Variants in FILIP1L observed in about 807,000 individuals in gnomAD.
The protein encoded by FILIP1L is filamin A interacting protein 1 like, also known as filamin A-interacting protein 1-like.
In FILIP1L, 55 loss-of-function variants were observed where a neutral mutation model predicts 96.6. The ratio of observed to expected loss-of-function variants is 0.57; its 90% CI spans 0.46 to 0.71. FILIP1L has a LOEUF of 0.71. Ranked by LOEUF, FILIP1L falls within the 30% of genes least tolerant of loss-of-function variation. The pLI, the probability that FILIP1L is intolerant of heterozygous loss-of-function variation, is 0.00. For synonymous variants in FILIP1L, 467 were observed against 473.9 expected (o/e 0.99, Z 0.19); for missense variants, 1,304 against 1,321.2 (o/e 0.99, Z 0.20).
rs1200758144 is a variant in FILIP1L, at chr3:100,018,125, G to A, written c.-10-87095C>T. Among the ~76,000 whole-genome samples, 5 of 152,080 alleles carry A rather than the reference G, an allele frequency of 3.3e-5. No homozygotes were observed. The South Asian group carries it at 8.3e-4, about 25-fold the overall frequency. ...GGGCAGATCACCAGGTCAAGAGATCGAGACCATCTGGCCAACATGGTGAAA... is the reference window on the plus strand; with the variant it reads ...GGGCAGATCACCAGGTCAAGAGATCAAGACCATCTGGCCAACATGGTGAAA... On this transcript the variant is annotated intron_variant, in intron 1 of 5. Coordinates refer to ENST00000477258, the MANE Select transcript of FILIP1L (RefSeq NM_001387850.1).
chr3:100,003,230 C>G (rs182018561), intron 1 of FILIP1L, among the ~76,000 whole-genome samples: 1 of 152,108 alleles, frequency 6.6e-6, no homozygotes, highest in African/African-American at 2.4e-5. Flanking sequence ...TACCAATGAC[C>G]ATGTGGAGAA....
chr3:100,022,722 T>G (rs934656589), intron 1 of FILIP1L, among the ~76,000 whole-genome samples: 1 of 152,174 alleles, frequency 6.6e-6, no homozygotes, highest in Non-Finnish European at 1.5e-5. Flanking sequence ...TCTTCAGCAG[T>G]CATCATATGT....
chr3:99,945,739 G>A (rs1336170326), intron 1 of FILIP1L, among the ~76,000 whole-genome samples: 1 of 152,218 alleles, frequency 6.6e-6, no homozygotes, highest in Non-Finnish European at 1.5e-5. Context: ...TTTGCTAGGG[G>A]TTGGGGGCTG....
intron 1 of FILIP1L, among the ~76,000 whole-genome samples, chr3:99,955,038 A>C (rs1327759120): frequency 6.6e-6 from 1 of 152,212 alleles, no homozygotes; most frequent in African/African-American, 2.4e-5. Context: ...GGTAAATGAA[A>C]GGGTATCTTC....
At chr3:99,864,364 A>G (rs910474693) in intron 4 of FILIP1L, among the ~76,000 whole-genome samples, 9 of 152,152 alleles carry the variant, frequency 5.9e-5, no homozygotes, top group Admixed American at 5.9e-4. Context: ...GTGCCACTAG[A>G]TCTCACTTAA....
rs912558106 is a variant in FILIP1L at position 100,071,244 on chromosome 3, C to G, written c.-11+42809G>C. ...TTTTATCCTGATTTTCTCTTACTCA[C>G]TTCATCTCCTGAGAGCTGAATTTGC... On this transcript the variant is annotated intron_variant, in intron 1 of 5. Transcript: ENST00000477258. Among the ~76,000 whole-genome samples, 12 of 152,076 alleles carry G rather than the reference C, an allele frequency of 7.9e-5. No homozygotes were observed. In the South Asian group the frequency reaches 8.3e-4, roughly 10 times the overall value.
intron 1 of FILIP1L, among the ~76,000 whole-genome samples, chr3:99,984,815 CT>C (rs1476081974): frequency 6.6e-6 from 1 of 152,156 alleles, no homozygotes; most frequent in Non-Finnish European, 1.5e-5. Context: ...TCATATTCAG[CT>C]AATGTTTATT....
chr3:99,828,832 G>A lies in FILIP1L; in HGVS notation c.*1582C>T, dbSNP rs1942588035. 6.6e-6 allele frequency among the ~76,000 whole-genome samples: 1 copy of A among 151,788 alleles called. No individual in the cohort carries two copies. Among genetic ancestry groups the A allele is most frequent in the African/African-American group, 2.4e-5 (1 of 41,320 alleles). ...TTTCACTTCGACTTTTCCATTTCAG[G>A]CTTTTAATTCACTTGACCTCCCCCT... is the stretch of plus-strand genomic sequence containing the variant. On this transcript the variant is annotated 3_prime_UTR_variant, in exon 6 of 6. Transcript: ENST00000477258.
chr3:99,954,546 C>A (rs987680865), intron 1 of FILIP1L, among the ~76,000 whole-genome samples: 1 of 152,184 alleles, frequency 6.6e-6, no homozygotes, highest in Admixed American at 6.5e-5. Context: ...AATAACTGGG[C>A]TGGGCACAGT....
intron 1 of FILIP1L, among the ~76,000 whole-genome samples, chr3:100,076,687 T>G (rs1273447108): frequency 3.3e-5 from 5 of 152,228 alleles, no homozygotes; most frequent in Non-Finnish European, 7.3e-5. Context: ...CAGGGATCCA[T>G]GAATATTGTT....
At chr3:99,998,056 C>T (rs1019856567) in intron 1 of FILIP1L, among the ~76,000 whole-genome samples, 1 of 152,148 alleles carries the variant, frequency 6.6e-6, no homozygotes, top group African/African-American at 2.4e-5. Flanking sequence ...CACAAGTTAA[C>T]TAGTGTTTAG....
intron 1 of FILIP1L, among the ~76,000 whole-genome samples, chr3:100,045,103 G>A (rs1489339162): frequency 1.3e-5 from 2 of 152,212 alleles, no homozygotes; most frequent in African/African-American, 2.4e-5. Context: ...AAACAGATCT[G>A]GCGCTCACAA....
At chr3:99,897,186 C>T (rs1340845809) in intron 4 of FILIP1L, among the ~76,000 whole-genome samples, 3 of 152,030 alleles carry the variant, frequency 2.0e-5, no homozygotes, top group African/African-American at 7.2e-5. Context: ...TAGTGAAACC[C>T]AATCTCTACT....
intron 3 of FILIP1L, among the ~76,000 whole-genome samples, chr3:99,927,621 G>A (rs1198464387): frequency 1.3e-5 from 2 of 151,976 alleles, no homozygotes; most frequent in East Asian, 1.9e-4. Flanking sequence ...TGCCTGCCTC[G>A]GCCTCCCAAA....
At chr3:99,900,673 G>A (rs557628406) in intron 4 of FILIP1L, among the ~76,000 whole-genome samples, 1 of 152,342 alleles carries the variant, frequency 6.6e-6, no homozygotes, top group Admixed American at 6.5e-5. Flanking sequence ...GCTGATCATT[G>A]TGTAATCTTC....
intron 1 of FILIP1L, among the ~76,000 whole-genome samples, chr3:100,104,793 AC>A (rs1477392979): frequency 1.3e-5 from 2 of 152,126 alleles, no homozygotes; most frequent in East Asian, 3.9e-4. Flanking sequence ...GAAAAGAGTC[AC>A]CCCTGTTATT....
At chr3:100,006,127 T>TA (rs1709978239) in intron 1 of FILIP1L, among the ~76,000 whole-genome samples, 2 of 152,128 alleles carry the variant, frequency 1.3e-5, no homozygotes, top group East Asian at 3.8e-4. Context: ...GTTGCAGTTA[T>TA]AAAACTCTGT....
chr3:100,020,384 C>G (rs1050120724), intron 1 of FILIP1L, among the ~76,000 whole-genome samples: 15 of 152,302 alleles, frequency 9.8e-5, no homozygotes, highest in African/African-American at 3.6e-4. Context: ...AAAATCTGTA[C>G]ATGTTTGCAC....
chr3:99,842,192 A>T (rs142951754), intron 5 of FILIP1L, among the ~76,000 whole-genome samples: 3,653 of 152,328 alleles, frequency 0.024, 119 homozygotes, highest in Admixed American at 0.084. Flanking sequence ...AGCAACCTGG[A>T]TGGAATTGGA....
Sources: gnomAD v4.1 joint callset for allele counts (sites outside exome capture counted in the v4.1 genomes callset) on GRCh38, gnomAD v4.1.1 for gene constraint, MANE v1.5 for transcripts, NCBI Gene and HGNC (gene_info 2026-07-23, HGNC 2026-07-21) for gene names.